The following DACH1 variants were observed in gnomAD, a reference collection of about 807,000 sequenced individuals.
DACH1 encodes dachshund homolog 1.
A neutral mutation model predicts 54.2 loss-of-function variants in DACH1; 12 were observed. The ratio of observed to expected loss-of-function variants is 0.22; its 90% CI spans 0.14 to 0.36. The LOEUF is 0.36. Ranked by LOEUF, DACH1 falls within the 10% of genes least tolerant of loss-of-function variation. DACH1 has a pLI of 1.00. For synonymous variants in DACH1, 386 were observed against 366.2 expected (o/e 1.05, Z -0.62); for missense variants, 805 against 929.8 (o/e 0.87, Z 1.75).
intron 1 of DACH1, among the ~76,000 whole-genome samples, chr13:71,696,128 G>A (rs147269341): frequency 1.8e-4 from 27 of 152,192 alleles, no homozygotes; most frequent in Non-Finnish European, 2.9e-4. Flanking sequence ...CCTGGGTGAC[G>A]GGGTCATCTT....
At chr13:71,751,488 A>T (rs146184641) in intron 1 of DACH1, among the ~76,000 whole-genome samples, 1 of 152,274 alleles carries the variant, frequency 6.6e-6, no homozygotes, top group Non-Finnish European at 1.5e-5. Context: ...CCTGTCTAAT[A>T]ATTGAAGATA....
chr13:71,588,185 A>G (rs1026123658), intron 3 of DACH1, among the ~76,000 whole-genome samples: 1 of 152,120 alleles, frequency 6.6e-6, no homozygotes, highest in African/African-American at 2.4e-5. Context: ...AGATGTGGAT[A>G]TGAATTTTTC....
rs1887258782 is a variant in DACH1 at position 71,800,746 on chromosome 13, T to C, written c.848+65176A>G. ...GCCTGTTTTCTAGGATGAAATTGCT[T>C]TATCCAAACATCTACATGGTATTTT... On this transcript the variant is annotated intron_variant, in intron 1 of 10. Transcript: ENST00000613252. 2.6e-5 allele frequency among the ~76,000 whole-genome samples: 4 copies of C among 152,120 alleles called. No individual in the cohort carries two copies. In the South Asian group the frequency reaches 8.3e-4, roughly 31 times the overall value.
intron 10 of DACH1, among the ~76,000 whole-genome samples, chr13:71,467,179 A>C (rs980726371): frequency 1.3e-5 from 2 of 151,952 alleles, no homozygotes; most frequent in African/African-American, 4.8e-5. Flanking sequence ...AAAACCCACA[A>C]GAGGCCTTCA....
chr13:71,672,534 G>A (rs919663081), intron 2 of DACH1, among the ~76,000 whole-genome samples: 1 of 152,068 alleles, frequency 6.6e-6, no homozygotes, highest in Non-Finnish European at 1.5e-5. Context: ...CTAACCTACA[G>A]CACATCATTA....
At chr13:71,788,786 A>G (rs1886714841) in intron 1 of DACH1, among the ~76,000 whole-genome samples, 1 of 152,136 alleles carries the variant, frequency 6.6e-6, no homozygotes, top group South Asian at 2.1e-4. Flanking sequence ...GAAAAAATGC[A>G]TACAAATATG....
chr13:71,661,308 G>A (rs769995157), intron 2 of DACH1, among the ~76,000 whole-genome samples: 1 of 150,996 alleles, frequency 6.6e-6, no homozygotes, highest in African/African-American at 2.4e-5. Flanking sequence ...ATTTTTATTA[G>A]GTAAAATATA....
intron 1 of DACH1, among the ~76,000 whole-genome samples, chr13:71,831,826 A>T (rs1473681645): frequency 6.6e-6 from 1 of 151,470 alleles, no homozygotes; most frequent in Admixed American, 6.6e-5. Context: ...GTAATCAAGA[A>T]TTTTTTTTGC....
intron 1 of DACH1, among the ~76,000 whole-genome samples, chr13:71,841,764 T>A (rs1183849464): frequency 6.6e-6 from 1 of 152,224 alleles, no homozygotes; most frequent in Non-Finnish European, 1.5e-5. Context: ...AGTAAGTTGG[T>A]CATTATGACT....
In DACH1 at chr13:71,844,909, T is replaced by TGA. The variant is rs1392475050; in HGVS notation, c.848+21012_848+21013insTC. Among the ~76,000 whole-genome samples the TGA allele has an allele frequency of 1.9e-4, 29 of 152,088 alleles. No individual in the cohort carries two copies. In the East Asian group the frequency reaches 2.9e-3, roughly 15 times the overall value. ...TCATTCATGTGGAAGCTTCAAAAAG[T>TGA]TGATGTCACAGAAGTAAAAAGTAGA... On this transcript the variant is annotated intron_variant, in intron 1 of 10. Transcript: ENST00000613252.
intron 1 of DACH1, among the ~76,000 whole-genome samples, chr13:71,783,866 A>T (rs1402088743): frequency 6.6e-6 from 1 of 151,144 alleles, no homozygotes; most frequent in Non-Finnish European, 1.5e-5. Flanking sequence ...CTTTTTTAAG[A>T]GGTATAAAAA....
intron 3 of DACH1, among the ~76,000 whole-genome samples, chr13:71,596,909 A>G (rs1235753121): frequency 1.3e-5 from 2 of 152,242 alleles, no homozygotes; most frequent in Non-Finnish European, 2.9e-5. Flanking sequence ...TGGAGGGGGC[A>G]TAAAAGAAGT....
At position 71,572,912 on chromosome 13, in the gene DACH1, G is replaced by A. The variant is rs1288693630; in HGVS notation, c.1227C>T (p.Ser409=). 1 of 1,614,106 alleles carries A rather than the reference G, an allele frequency of 6.2e-7. No homozygotes were observed. The highest frequency in any genetic ancestry group is 8.5e-7 in the Non-Finnish European group (1 of 1,179,990). The change falls in exon 4 of 11, where the codon AGC becomes AGT. Residue 409 remains serine (S), a synonymous_variant. Coordinates refer to ENST00000613252, the MANE Select transcript of DACH1 (RefSeq NM_080759.6). ...TMAMSQMNHL[S]TIANMAAAAQ... ...CTGCTGCTGCCATATTTGCAATGGT[G>A]CTGAGGTGGTTCATCTGGCTCATTG...
At chr13:71,614,129 G>A (rs1875567829) in intron 3 of DACH1, among the ~76,000 whole-genome samples, 1 of 152,102 alleles carries the variant, frequency 6.6e-6, no homozygotes, top group African/African-American at 2.4e-5. Context: ...CTATATGAAG[G>A]TTCTTGTTAT....
chr13:71,865,232 G>A (rs542447597), intron 1 of DACH1, among the ~76,000 whole-genome samples: 121 of 152,208 alleles, frequency 7.9e-4, no homozygotes, highest in Middle Eastern at 3.4e-3. Context: ...CCCTCCCCTC[G>A]GCTGGCTTCC....
intron 6 of DACH1, among the ~76,000 whole-genome samples, chr13:71,498,327 G>T (rs2138225925): frequency 6.6e-6 from 1 of 152,232 alleles, no homozygotes; most frequent in South Asian, 2.1e-4. Context: ...GAAAGAATAT[G>T]TGAATGAGAT....
intron 3 of DACH1, among the ~76,000 whole-genome samples, chr13:71,620,804 G>A (rs1356248943): frequency 4.6e-5 from 7 of 151,848 alleles, no homozygotes; most frequent in Non-Finnish European, 7.4e-5. Context: ...GTATCTTCCA[G>A]TATGAAACAT....
chr13:71,700,251 A>T (rs1376998205), intron 1 of DACH1, among the ~76,000 whole-genome samples: 2 of 152,086 alleles, frequency 1.3e-5, no homozygotes, highest in African/African-American at 4.8e-5. Context: ...ACAGGAAGCC[A>T]CCCCTGCTGT....
intron 1 of DACH1, among the ~76,000 whole-genome samples, chr13:71,688,176 A>G (rs74097001): frequency 0.088 from 13,472 of 152,260 alleles, 1,678 homozygotes; most frequent in African/African-American, 0.28. Flanking sequence ...AATCACTGAC[A>G]TCGTCTAGAT....
Sources: allele counts gnomAD v4.1 joint callset (sites outside exome capture counted in the v4.1 genomes callset), GRCh38; gene constraint gnomAD v4.1.1; transcripts MANE v1.5; gene names NCBI Gene and HGNC (gene_info 2026-07-23, HGNC 2026-07-21).